The following RAB38 variants were observed in gnomAD, a reference collection of about 807,000 sequenced individuals.
The protein encoded by RAB38 is RAB38, member RAS oncogene family.
RAB38 carries 15 observed loss-of-function variants against 18.4 expected under a neutral mutation model. The ratio of observed to expected loss-of-function variants is 0.82; its 90% CI spans 0.55 to 1.26. The LOEUF (loss-of-function observed/expected upper bound fraction) is 1.26, where lower values mean the gene tolerates loss of function less well. RAB38 is among the 50% of genes most tolerant of loss of function. The pLI, the probability that RAB38 is intolerant of heterozygous loss-of-function variation, is 0.00. For synonymous variants in RAB38, 101 were observed against 104.4 expected, an observed-to-expected ratio of 0.97 and a Z score of 0.20; for missense variants, 294 against 267.4, an observed-to-expected ratio of 1.10 and a Z score of -0.69.
At chr11:87,804,892 T>G in the RAB38 span, among the ~76,000 whole-genome samples, 1 of 152,232 alleles carries the variant, frequency 6.6e-6, no homozygotes, top group African/African-American at 2.4e-5. Flanking sequence ...GTCATGATTT[T>G]TCTCAGTGTT....
In RAB38 at chr11:88,173,999, CAG is replaced by C. The variant is rs573406198; in HGVS notation, c.202+1182_202+1183del. ...GCTAAAATGAATCCATTTTCTGAAA[CAG>C]AAGTGGCTAGTTTGGGTCCAGCACT... On this transcript the variant is annotated intron_variant, in intron 1 of 2. Transcript: ENST00000243662. 1.9e-4 allele frequency: 188 copies of C among 985,370 alleles called. No individual in the cohort carries two copies. In the African/African-American group the frequency reaches 3.0e-3, roughly 16 times the overall value. 61.0% of individuals were successfully genotyped at this position (985,370 alleles called of 1,614,324 possible).
At chr11:87,805,515 A>G in the RAB38 span, among the ~76,000 whole-genome samples, 2 of 151,924 alleles carry the variant, frequency 1.3e-5, no homozygotes, top group Admixed American at 6.6e-5. Flanking sequence ...ACACTGGAGA[A>G]GATATAATCT....
the RAB38 span, among the ~76,000 whole-genome samples, chr11:87,819,955 G>A: frequency 2.0e-5 from 3 of 152,010 alleles, no homozygotes; most frequent in South Asian, 2.1e-4. Flanking sequence ...CAGCAGGACT[G>A]CTCCTATTGG....
At chr11:88,147,948 T>C (rs1336910686) in intron 2 of RAB38, among the ~76,000 whole-genome samples, 4 of 152,104 alleles carry the variant, frequency 2.6e-5, no homozygotes, top group Non-Finnish European at 5.9e-5. Context: ...CCATGCTTGT[T>C]AAATTTCTGT....
chr11:87,881,503 A>T, the RAB38 span, among the ~76,000 whole-genome samples: 1 of 151,826 alleles, frequency 6.6e-6, no homozygotes, highest in African/African-American at 2.4e-5. Context: ...GCATCATGTC[A>T]CATAGTGATC....
rs573084961 is a variant in RAB38, at chr11:88,163,166, A to G, written c.202+12017T>C. ...ATTACACTGTAGATTCCTTGAGTCC[A>G]GTGTAGAATTACTCAATTACTATAT... On this transcript the variant is annotated intron_variant, in intron 1 of 2. Transcript: ENST00000243662. 4.1e-4 allele frequency among the ~76,000 whole-genome samples: 63 copies of G among 152,266 alleles called. 1 individual carries two copies. The highest frequency in any genetic ancestry group is 1.5e-3 in the African/African-American group (63 of 41,556).
intron 1 of RAB38, among the ~76,000 whole-genome samples, chr11:88,164,285 C>G (rs1298465457): frequency 7.3e-6 from 1 of 136,288 alleles, no homozygotes; most frequent in East Asian, 2.1e-4. Context: ...GGTGAACTCA[C>G]ATGGGTGAAA....
the RAB38 span, among the ~76,000 whole-genome samples, chr11:88,062,633 G>A: frequency 6.6e-6 from 1 of 152,214 alleles, no homozygotes; most frequent in East Asian, 1.9e-4. Context: ...GCTGCTTAAA[G>A]TATTCTGACT....
the RAB38 span, among the ~76,000 whole-genome samples, chr11:87,892,668 T>G: frequency 6.6e-6 from 1 of 151,832 alleles, no homozygotes; most frequent in Non-Finnish European, 1.5e-5. Flanking sequence ...GAGGAATTGA[T>G]TTTTGACTTC....
chr11:88,127,187 T>A (rs1264830294), intron 2 of RAB38, among the ~76,000 whole-genome samples: 1 of 152,234 alleles, frequency 6.6e-6, no homozygotes, highest in Admixed American at 6.5e-5. Flanking sequence ...GTTCAAATTC[T>A]TTACATTAAA....
the RAB38 span, among the ~76,000 whole-genome samples, chr11:88,007,698 T>A: frequency 6.6e-6 from 1 of 152,006 alleles, no homozygotes; most frequent in Non-Finnish European, 1.5e-5. Context: ...TCTTTTAAGT[T>A]TGAATATACT....
At chr11:88,140,782 G>C (rs956581674) in intron 2 of RAB38, among the ~76,000 whole-genome samples, 1 of 152,152 alleles carries the variant, frequency 6.6e-6, no homozygotes, top group Non-Finnish European at 1.5e-5. Context: ...CTCACTATTG[G>C]AGTCTTCTAT....
chr11:88,056,087 T>C, the RAB38 span, among the ~76,000 whole-genome samples: 2 of 152,120 alleles, frequency 1.3e-5, no homozygotes, highest in Non-Finnish European at 2.9e-5. Flanking sequence ...TATTTTTAGC[T>C]CTCCTCTGGA....
intron 1 of RAB38, among the ~76,000 whole-genome samples, chr11:88,159,199 C>CAATA (rs58379713): frequency 0.17 from 24,187 of 142,128 alleles, 2,241 homozygotes; most frequent in East Asian, 0.28. Flanking sequence ...ACAATAGCAG[C>CAATA]AATAAATAAA....
chr11:88,108,744 T>C (rs1420500593), downstream of RAB38, among the ~76,000 whole-genome samples: 3 of 152,234 alleles, frequency 2.0e-5, no homozygotes, highest in Admixed American at 1.3e-4. Context: ...GTGTCGATGG[T>C]CTTTACAATT....
intron 2 of RAB38, among the ~76,000 whole-genome samples, chr11:88,149,182 T>G (rs961787162): frequency 6.8e-6 from 1 of 146,872 alleles, no homozygotes; most frequent in Non-Finnish European, 1.5e-5. Context: ...CTGTCTATTC[T>G]CTGTTACCCC....
the RAB38 span, among the ~76,000 whole-genome samples, chr11:87,838,877 C>A: frequency 1.3e-5 from 2 of 152,200 alleles, no homozygotes; most frequent in Admixed American, 6.5e-5. Context: ...CATCATCTTA[C>A]TTAATGCTCA....
At chr11:87,888,716 T>C in the RAB38 span, among the ~76,000 whole-genome samples, 1 of 151,914 alleles carries the variant, frequency 6.6e-6, no homozygotes, top group African/African-American at 2.4e-5. Context: ...TTAGCGCTGC[T>C]CTTAGGGGAT....
chr11:88,070,621 C>T, the RAB38 span, among the ~76,000 whole-genome samples: 3 of 152,160 alleles, frequency 2.0e-5, no homozygotes, highest in Non-Finnish European at 4.4e-5. Context: ...GCTCAGAGAA[C>T]TTAGGTCAAG....
Sources: allele counts gnomAD v4.1 joint callset (sites outside exome capture counted in the v4.1 genomes callset), GRCh38; gene constraint gnomAD v4.1.1; transcripts MANE v1.5; gene names NCBI Gene and HGNC (gene_info 2026-07-23, HGNC 2026-07-21).